The following ATP2B2 variants were observed in gnomAD, a reference collection of about 807,000 sequenced individuals.
The protein encoded by ATP2B2 is ATPase plasma membrane Ca2+ transporting 2.
In ATP2B2, 15 loss-of-function variants were observed where a neutral mutation model predicts 120.0. The observed-to-expected ratio is 0.12, with a 90% confidence interval of 0.08 to 0.19. The LOEUF is 0.19. ATP2B2 is among the 10% of genes least tolerant of loss of function. ATP2B2 has a pLI of 1.00. For synonymous variants in ATP2B2, 694 were observed against 700.3 expected (o/e 0.99, Z 0.14); for missense variants, 1,045 against 1,719.8 (o/e 0.61, Z 6.94).
Position 10,403,947 on chromosome 3 carries a change from G to A in ATP2B2, c.398-1599C>T, listed in dbSNP as rs147941357. Reference sequence around the variant, plus strand: ...TCATGGCTGAGCATCTGGAAATCCAGTCTGTCTCAAGGAACAGAGAACAGA... The same window carrying A: ...TCATGGCTGAGCATCTGGAAATCCAATCTGTCTCAAGGAACAGAGAACAGA... On this transcript the variant is annotated intron_variant, in intron 3 of 22. Coordinates refer to ENST00000360273, the MANE Select transcript of ATP2B2 (RefSeq NM_001001331.4). Among the ~76,000 whole-genome samples the A allele has an allele frequency of 1.1e-3, 175 of 152,352 alleles. 6 individuals are homozygous for A. The South Asian group carries it at 0.028, about 24-fold the overall frequency.
intron 8 of ATP2B2, among the ~76,000 whole-genome samples, chr3:10,383,722 A>G (rs1473409463): frequency 6.6e-6 from 1 of 152,216 alleles, no homozygotes; most frequent in Non-Finnish European, 1.5e-5. Context: ...TGAGGATTAA[A>G]TGAGATGGTG....
intron 3 of ATP2B2, among the ~76,000 whole-genome samples, chr3:10,510,865 C>A (rs1035603226): frequency 2.0e-5 from 3 of 152,208 alleles, no homozygotes; most frequent in Admixed American, 6.5e-5. Flanking sequence ...GCTGCCCACT[C>A]CCGCCCATCA....
chr3:10,532,419 G>A (rs2067230238), intron 3 of ATP2B2, among the ~76,000 whole-genome samples: 1 of 152,136 alleles, frequency 6.6e-6, no homozygotes. Flanking sequence ...GAATTCCATG[G>A]TGAAAATTCC....
chr3:10,474,570 C>G (rs1256900128), intron 1 of ATP2B2, among the ~76,000 whole-genome samples: 1 of 152,182 alleles, frequency 6.6e-6, no homozygotes, highest in Non-Finnish European at 1.5e-5. Flanking sequence ...TGACTAGGTG[C>G]CTTGCTTGGC....
Position 10,329,428 on chromosome 3 carries a change from C to T in ATP2B2, c.3421-303G>A, listed in dbSNP as rs963757472. ...GAACAGTGGTTAAAGGAAGCACAGT[C>T]GACTCCTGCGGGCACCCACACCTAG... is the stretch of plus-strand genomic sequence containing the variant. On this transcript the variant is annotated intron_variant, in intron 22 of 22. Coordinates refer to ENST00000360273, the MANE Select transcript of ATP2B2 (RefSeq NM_001001331.4). The surrounding 1 kb of genome is among the most constrained non-coding windows in gnomAD (Gnocchi z 5.9). Among the ~76,000 whole-genome samples the T allele has an allele frequency of 2.0e-5, 3 of 152,002 alleles. No individual in the cohort carries two copies. Among genetic ancestry groups the T allele is most frequent in the Admixed American group, 1.3e-4 (2 of 15,258 alleles).
intron 1 of ATP2B2, among the ~76,000 whole-genome samples, chr3:10,493,337 A>G (rs1337210027): frequency 6.6e-6 from 1 of 152,182 alleles, no homozygotes; most frequent in Non-Finnish European, 1.5e-5. Context: ...TCTATGAAAT[A>G]AACCGAAGGG....
intron 2 of ATP2B2, among the ~76,000 whole-genome samples, chr3:10,544,272 C>T (rs566264499): frequency 2.0e-4 from 30 of 152,298 alleles, no homozygotes; most frequent in African/African-American, 6.7e-4. Context: ...ACCAGTGCCA[C>T]TCACCACAAA....
At chr3:10,369,577 C>A (rs1221195635) in intron 12 of ATP2B2, among the ~76,000 whole-genome samples, 2 of 152,176 alleles carry the variant, frequency 1.3e-5, no homozygotes, top group East Asian at 3.8e-4. Flanking sequence ...TTAACCTCTG[C>A]ATTGCTACAA....
intron 1 of ATP2B2, among the ~76,000 whole-genome samples, chr3:10,492,755 C>A (rs545130159): frequency 2.6e-5 from 4 of 152,168 alleles, no homozygotes; most frequent in Non-Finnish European, 5.9e-5. Context: ...TTCTAGGCAA[C>A]CTCTCCACTG....
chr3:10,575,572 G>C (rs2068225543), intron 2 of ATP2B2, among the ~76,000 whole-genome samples: 1 of 152,216 alleles, frequency 6.6e-6, no homozygotes. Context: ...GGGAGCTATG[G>C]AAGGCTCTTG....
chr3:10,449,077 G>A (rs1356742564), intron 2 of ATP2B2, among the ~76,000 whole-genome samples: 1 of 152,168 alleles, frequency 6.6e-6, no homozygotes, highest in Non-Finnish European at 1.5e-5. Context: ...GGGGCTCCTT[G>A]TCTCCAGAAC....
intron 2 of ATP2B2, among the ~76,000 whole-genome samples, chr3:10,611,413 A>C (rs1475978551): frequency 6.6e-6 from 1 of 152,126 alleles, no homozygotes; most frequent in East Asian, 1.9e-4. Context: ...GGTCAGGGAT[A>C]CATCGGTGTC....
chr3:10,523,073 A>G (rs1226754017), intron 3 of ATP2B2, among the ~76,000 whole-genome samples: 2 of 152,226 alleles, frequency 1.3e-5, no homozygotes, highest in Non-Finnish European at 2.9e-5. Context: ...CAAGAGTGAA[A>G]GGCTCTTGAG....
intron 2 of ATP2B2, among the ~76,000 whole-genome samples, chr3:10,556,087 C>T (rs963860476): frequency 5.3e-5 from 8 of 152,106 alleles, no homozygotes; most frequent in Non-Finnish European, 1.0e-4. Flanking sequence ...TTAGTAGAGA[C>T]GAGGGTTTCA....
At chr3:10,488,234 T>TCCATCCATCCATCCATCC (rs1559402222) in intron 1 of ATP2B2, among the ~76,000 whole-genome samples, 3 of 107,528 alleles carry the variant, frequency 2.8e-5, no homozygotes, top group South Asian at 3.5e-4. Context: ...CTCATCCACC[T>TCCATCCATCCATCCATCC]ATCCATCCAT....
intron 8 of ATP2B2, among the ~76,000 whole-genome samples, chr3:10,382,201 T>TTTTC: frequency 6.8e-6 from 1 of 146,580 alleles, no homozygotes; most frequent in African/African-American, 2.6e-5. Context: ...AATTAAATTT[T>TTTTC]TTTTTTTTTT....
chr3:10,417,345 G>T (rs995543943), intron 2 of ATP2B2, among the ~76,000 whole-genome samples: 3 of 151,776 alleles, frequency 2.0e-5, no homozygotes, highest in African/African-American at 7.3e-5. Context: ...TCATATCCCA[G>T]ATGGTGCAGC....
Position 10,474,927 on chromosome 3 carries a change from T to A in ATP2B2, c.-319-25065A>T, listed in dbSNP as rs2065148193. On this transcript the variant is annotated intron_variant, in intron 1 of 22. Transcript: ENST00000360273. ...CTGTCTCTGTGTCCCTGGCCCAGCA[T>A]GTCCATGGCTCATGGTGAACCCTCA... Among the ~76,000 whole-genome samples the A allele has an allele frequency of 2.0e-5, 3 of 152,364 alleles. No homozygotes were observed. The South Asian group carries it at 6.2e-4, about 32-fold the overall frequency.
chr3:10,599,240 G>A (rs1413620168), intron 2 of ATP2B2, among the ~76,000 whole-genome samples: 1 of 152,210 alleles, frequency 6.6e-6, no homozygotes, highest in Non-Finnish European at 1.5e-5. Context: ...GCTGGGTGTG[G>A]GTTTGACAGG....
Sources: allele counts gnomAD v4.1 joint callset (sites outside exome capture counted in the v4.1 genomes callset), GRCh38; gene constraint gnomAD v4.1.1; non-coding constraint Gnocchi (gnomAD v3.1); transcripts MANE v1.5; gene names NCBI Gene and HGNC (gene_info 2026-07-23, HGNC 2026-07-21).